The following CD81 variants were observed in gnomAD, a reference collection of about 807,000 sequenced individuals.
CD81 encodes CD81 molecule.
CD81 carries 10 observed loss-of-function variants against 30.1 expected under a neutral mutation model. The observed-to-expected ratio is 0.33, with a 90% CI of 0.21 to 0.56. CD81 has a LOEUF of 0.56. CD81 is among the 20% of genes least tolerant of loss of function. The pLI, the probability that CD81 is intolerant of heterozygous loss-of-function variation, is 0.89. For synonymous variants in CD81, 147 were observed against 126.4 expected (o/e 1.16, Z -1.10); for missense variants, 263 against 308.7 (o/e 0.85, Z 1.11).
In CD81 at chr11:2,381,369, C is replaced by A. The variant is rs567499053; in HGVS notation, c.66+3754C>A. ...TCCCTGCGGTCACCAGGGTGCATGCCCGAAAGCCCTCCATTCTTTCCTGGG... is the reference window on the plus strand; with the variant it reads ...TCCCTGCGGTCACCAGGGTGCATGCACGAAAGCCCTCCATTCTTTCCTGGG... On this transcript the variant is annotated intron_variant, in intron 1 of 7. Transcript: ENST00000263645. Among the ~76,000 whole-genome samples the A allele has an allele frequency of 3.9e-4, 59 of 152,326 alleles. No individual in the cohort carries two copies. In the South Asian group the frequency reaches 6.0e-3, roughly 15 times the overall value.
At chr11:2,383,612 T>A (rs569467184) in intron 1 of CD81, among the ~76,000 whole-genome samples, 32 of 152,248 alleles carry the variant, frequency 2.1e-4, no homozygotes, top group African/African-American at 7.2e-4. Flanking sequence ...CTTCCCGGTG[T>A]GTTTCCCATA....
At position 2,396,784 on chromosome 11, in the gene CD81, C is replaced by T. The variant is rs1850017001; in HGVS notation, c.649-20C>T. ...CCGCGGGGCCTTGTGCTGACTGCGC[C>T]CCCCACCACCCTCCTGCAGATCTTC... On this transcript the variant is annotated intron_variant, in intron 7 of 7. Transcript: ENST00000263645. 1 of 1,612,392 alleles carries T rather than the reference C, an allele frequency of 6.2e-7. No individual in the cohort carries two copies. Among genetic ancestry groups the T allele is most frequent in the Non-Finnish European group, 8.5e-7 (1 of 1,179,988 alleles).
rs574093910 is a variant in CD81 at position 2,378,323 on chromosome 11, C to T, written c.66+708C>T. ...CCCAGACACGTTCCAGCGGAGGCCT[C>T]CTCCCAGAAGGGCTCTGGAGGCCTC... On this transcript the variant is annotated intron_variant, in intron 1 of 7. Transcript: ENST00000263645. This position sits in a 1 kb window ranked among gnomAD's most constrained non-coding sequence, Gnocchi z 4.9. 5.9e-5 allele frequency among the ~76,000 whole-genome samples: 9 copies of T among 152,186 alleles called. No homozygotes were observed. The highest frequency in any genetic ancestry group is 1.2e-4 in the Non-Finnish European group (8 of 68,034).
At chr11:2,382,230 G>A (rs888954530) in intron 1 of CD81, among the ~76,000 whole-genome samples, 3 of 152,218 alleles carry the variant, frequency 2.0e-5, no homozygotes, top group Admixed American at 6.5e-5. Flanking sequence ...CCCACCCCCC[G>A]CACAAGGTCT....
chr11:2,390,215 G>A, intron 1 of CD81, 197 bp from the exon 2 acceptor site: 1 of 653,926 alleles, frequency 1.5e-6, no homozygotes, highest in Non-Finnish European at 2.8e-6. Flanking sequence ...CAAGTAGATG[G>A]CGGCCAAAGC....
At chr11:2,380,471 T>A in intron 1 of CD81, among the ~76,000 whole-genome samples, 1 of 152,174 alleles carries the variant, frequency 6.6e-6, no homozygotes, top group South Asian at 2.1e-4. Context: ...ACACTCTTGC[T>A]GTCTCCCTTC....
At chr11:2,390,113 C>A in intron 1 of CD81, 1 of 533,098 alleles carries the variant, frequency 1.9e-6, no homozygotes, top group South Asian at 2.0e-5. Context: ...ATTCTGTTTT[C>A]ATCTGAGAGG....
chr11:2,388,878 G>A (rs1849844375), intron 1 of CD81, among the ~76,000 whole-genome samples: 1 of 152,216 alleles, frequency 6.6e-6, no homozygotes, highest in Admixed American at 6.5e-5. Flanking sequence ...TCGGATGGTG[G>A]CCGCACTTGT....
At chr11:2,395,609 G>C (rs565238114) in intron 5 of CD81, 89 bp downstream of exon 5, 61 of 1,053,848 alleles carry the variant, frequency 5.8e-5, no homozygotes, top group Middle Eastern at 2.1e-4. Flanking sequence ...CCTACGCCCA[G>C]ACCTCAGGAG....
chr11:2,379,140 C>G (rs1289890197), intron 1 of CD81: 1 of 454,852 alleles, frequency 2.2e-6, no homozygotes, highest in Non-Finnish European at 4.4e-6. Flanking sequence ...TCAGCCCAGG[C>G]ATGTGGGAGA....
chr11:2,390,578 G>A (rs1368680934), intron 2 of CD81, 52 bp downstream of exon 2: 2 of 1,286,178 alleles, frequency 1.6e-6, no homozygotes, highest in African/African-American at 1.5e-5. Context: ...CTAGGAGGAG[G>A]CAGGTCCTAG....
Position 2,396,890 on chromosome 11 carries a change from G to A in CD81, c.*24G>A. On this transcript the variant is annotated 3_prime_UTR_variant, in exon 8 of 8. Coordinates refer to ENST00000263645, the MANE Select transcript of CD81 (RefSeq NM_004356.4). ...GAGGCCCCGCAGCTCTGGCCACAGGGACCTCTGCAGTGCCCCCTAAGTGAC... is the reference window on the plus strand; with the variant it reads ...GAGGCCCCGCAGCTCTGGCCACAGGAACCTCTGCAGTGCCCCCTAAGTGAC... The A allele has an allele frequency of 1.2e-6, 2 of 1,610,262 alleles. No individual in the cohort carries two copies. The highest frequency in any genetic ancestry group is 2.2e-5 in the East Asian group (1 of 44,880).
At chr11:2,387,452 C>T (rs1455931541) in intron 1 of CD81, among the ~76,000 whole-genome samples, 3 of 152,238 alleles carry the variant, frequency 2.0e-5, no homozygotes, top group African/African-American at 4.8e-5. Context: ...CGGCAACTCT[C>T]GGCCTCGCCA....
Position 2,377,702 on chromosome 11 carries a change from C to T in CD81, c.66+87C>T. The T allele has an allele frequency of 3.6e-6, 3 of 841,714 alleles. No homozygotes were observed. The highest frequency in any genetic ancestry group is 4.1e-5 in the South Asian group (2 of 48,920). The allele number at this position is 841,714 out of a possible 1,614,324, so 52.1% of individuals were successfully genotyped here. A position where few individuals can be genotyped will look rare whatever the true frequency, so the allele number is the denominator to read the frequency against. On this transcript the variant is annotated intron_variant, in intron 1 of 7. Transcript: ENST00000263645. This position sits in a 1 kb window ranked among gnomAD's most constrained non-coding sequence, Gnocchi z 7.7. Reference sequence around the variant, plus strand: ...TCCCGCGGCAGCGTGCTAGGCCCCGCGGGCGCAGCGCGGGCCGCGAAGTTG... The same window carrying T: ...TCCCGCGGCAGCGTGCTAGGCCCCGTGGGCGCAGCGCGGGCCGCGAAGTTG...
chr11:2,381,240 A>G (rs142617785), intron 1 of CD81, among the ~76,000 whole-genome samples: 1 of 152,360 alleles, frequency 6.6e-6, no homozygotes, highest in Non-Finnish European at 1.5e-5. Context: ...GAGGCTGTCC[A>G]GCAGTGCAGG....
At chr11:2,393,805 T>G (rs1043970844) in intron 2 of CD81, 13 of 624,366 alleles carry the variant, frequency 2.1e-5, no homozygotes, top group Non-Finnish European at 3.2e-5. Context: ...CCACCGCAGG[T>G]GTCATCCCTG....
intron 1 of CD81, among the ~76,000 whole-genome samples, chr11:2,383,155 G>A (rs1849731252): frequency 1.3e-5 from 2 of 152,214 alleles, no homozygotes; most frequent in South Asian, 4.1e-4. Context: ...CGGCTTCCTC[G>A]GGGCCAGGGG....
In CD81 at chr11:2,395,925, C is replaced by T. The variant is rs770889139; in HGVS notation, c.516C>T (p.Asn172=). 2 of 1,612,580 alleles carry T rather than the reference C, an allele frequency of 1.2e-6. No homozygotes were observed. Among genetic ancestry groups the T allele is most frequent in the South Asian group, 2.2e-5 (2 of 91,090 alleles). The change falls in exon 6 of 8, where the codon AAC becomes AAT. Residue 172 remains asparagine, a synonymous_variant. Transcript: ENST00000263645. ...LTALTTSVLK[N]NLCPSGSNII... Reference sequence around the variant, plus strand: ...CTTTGACCACCTCAGTGCTCAAGAACAATTTGTGTCCCTCGGGCAGCAACA... The same window carrying T: ...CTTTGACCACCTCAGTGCTCAAGAATAATTTGTGTCCCTCGGGCAGCAACA...
intron 1 of CD81, 73 bp from the exon 2 acceptor site, chr11:2,390,339 T>C (rs1159460552): frequency 1.7e-6 from 2 of 1,182,432 alleles, no homozygotes; most frequent in Non-Finnish European, 2.5e-6. Context: ...TGCTTAGGCC[T>C]TGCGTGTGGG....
Sources: gnomAD v4.1 joint callset for allele counts (sites outside exome capture counted in the v4.1 genomes callset) on GRCh38, gnomAD v4.1.1 for gene constraint, Gnocchi (gnomAD v3.1) non-coding constraint, MANE v1.5 for transcripts, NCBI Gene and HGNC (gene_info 2026-07-23, HGNC 2026-07-21) for gene names.